ZMIZ1: variants seen among roughly 807,000 people sequenced by gnomAD.
ZMIZ1 encodes the protein zinc finger MIZ-type containing 1, also known as zinc finger MIZ domain-containing protein 1.
ZMIZ1 carries 17 observed loss-of-function variants against 113.9 expected under a neutral mutation model. The ratio of observed to expected loss-of-function variants is 0.15; its 90% CI spans 0.10 to 0.22. The LOEUF is 0.22. Ranked by LOEUF, ZMIZ1 falls within the 10% of genes least tolerant of loss-of-function variation. ZMIZ1 has a pLI of 1.00. For missense variants in ZMIZ1, 1,059 were observed against 1,477.8 expected (o/e 0.72, Z 4.65); for synonymous variants, 607 against 603.1 (o/e 1.01, Z -0.09).
At chr10:79,245,088 C>T (rs118154534) in intron 7 of ZMIZ1, among the ~76,000 whole-genome samples, 28 of 152,294 alleles carry the variant, frequency 1.8e-4, no homozygotes, top group Non-Finnish European at 4.0e-4. Context: ...AACCACCAAA[C>T]GGCGATGCTT....
chr10:79,179,908 C>T (rs1217511867), intron 4 of ZMIZ1, among the ~76,000 whole-genome samples: 1 of 152,134 alleles, frequency 6.6e-6, no homozygotes, highest in Non-Finnish European at 1.5e-5. Flanking sequence ...ACAACCGCCA[C>T]GCATGCCACC....
chr10:79,101,640 G>T (rs1843367288), intron 1 of ZMIZ1, among the ~76,000 whole-genome samples: 2 of 152,152 alleles, frequency 1.3e-5, no homozygotes, highest in Admixed American at 1.3e-4. Context: ...AGAGGGAGGG[G>T]TAGTCTCTAG....
At chr10:79,184,523 G>A (rs76229164) in intron 4 of ZMIZ1, among the ~76,000 whole-genome samples, 1,553 of 152,282 alleles carry the variant, frequency 0.01, 33 homozygotes, top group South Asian at 0.074. Context: ...TCCCAGAGGC[G>A]CCCGGATAAG....
chr10:79,118,088 C>T lies in ZMIZ1; in HGVS notation c.-336-827C>T, dbSNP rs1380186963. Among the ~76,000 whole-genome samples, 1 of 152,206 alleles carries T rather than the reference C, an allele frequency of 6.6e-6. No individual in the cohort carries two copies. The highest frequency in any genetic ancestry group is 1.5e-5 in the Non-Finnish European group (1 of 68,036). On this transcript the variant is annotated intron_variant, in intron 1 of 24. Transcript: ENST00000334512. This position sits in a 1 kb window ranked among gnomAD's most constrained non-coding sequence, Gnocchi z 4.1. ...GATTTGGACTTCACTCCAGCCTTGCCTTTCACCATGGGAGGAACCCTTTCC... is the reference window on the plus strand; with the variant it reads ...GATTTGGACTTCACTCCAGCCTTGCTTTTCACCATGGGAGGAACCCTTTCC...
At chr10:79,142,745 C>T (rs1193636524) in intron 3 of ZMIZ1, among the ~76,000 whole-genome samples, 1 of 152,240 alleles carries the variant, frequency 6.6e-6, no homozygotes, top group African/African-American at 2.4e-5. Context: ...GCATCTTGCC[C>T]TGATGTCTGT....
chr10:79,103,824 T>C (rs1479778671), intron 1 of ZMIZ1, among the ~76,000 whole-genome samples: 1 of 152,036 alleles, frequency 6.6e-6, no homozygotes, highest in African/African-American at 2.4e-5. Flanking sequence ...GACCTTCCGG[T>C]CCCCTGGCTT....
In ZMIZ1 at chr10:79,272,492, G is replaced by T. The variant is rs902321062; in HGVS notation, c.281-4689G>T. On this transcript the variant is annotated intron_variant, in intron 7 of 24. Coordinates refer to ENST00000334512, the MANE Select transcript of ZMIZ1 (RefSeq NM_020338.4). ...CCAGCTGAGGTCAGGAGAGATGAGC[G>T]CCAAGGCGTCCTCCCAGCCTGCGGA... 2.6e-5 allele frequency among the ~76,000 whole-genome samples: 4 copies of T among 152,226 alleles called. No individual in the cohort carries two copies. The East Asian group carries it at 7.7e-4, about 29-fold the overall frequency.
intron 4 of ZMIZ1, among the ~76,000 whole-genome samples, chr10:79,172,638 C>G (rs1846647199): frequency 1.3e-5 from 2 of 152,164 alleles, no homozygotes; most frequent in Admixed American, 6.5e-5. Flanking sequence ...TCCAGACTGG[C>G]CTTTGGTTGG....
At chr10:79,153,531 C>T (rs1165587610) in intron 3 of ZMIZ1, among the ~76,000 whole-genome samples, 1 of 152,256 alleles carries the variant, frequency 6.6e-6, no homozygotes, top group Non-Finnish European at 1.5e-5. Context: ...CCTTTCTTCC[C>T]TGGCCTTCCA....
intron 23 of ZMIZ1, among the ~76,000 whole-genome samples, 182 bp from the exon 24 acceptor site, chr10:79,310,742 G>T (rs917006496): frequency 1.3e-5 from 2 of 152,096 alleles, no homozygotes; most frequent in Non-Finnish European, 2.9e-5. Flanking sequence ...CCTGATGGGC[G>T]GTTTTGGGGG....
intron 1 of ZMIZ1, among the ~76,000 whole-genome samples, chr10:79,070,150 G>A (rs540513246): frequency 2.0e-5 from 3 of 151,950 alleles, no homozygotes; most frequent in Non-Finnish European, 2.9e-5. Flanking sequence ...CGGGGTCGGG[G>A]GGGGGAGGCG....
chr10:79,273,454 C>T (rs1256397863), intron 7 of ZMIZ1, among the ~76,000 whole-genome samples: 2 of 152,184 alleles, frequency 1.3e-5, no homozygotes, highest in Non-Finnish European at 2.9e-5. Flanking sequence ...CTCCACCTCC[C>T]GAGGTCAAGC....
At chr10:79,092,478 G>A (rs1450317951) in intron 1 of ZMIZ1, among the ~76,000 whole-genome samples, 1 of 152,276 alleles carries the variant, frequency 6.6e-6, no homozygotes, top group Non-Finnish European at 1.5e-5. Flanking sequence ...TGCACGCAGT[G>A]TGGCTGTTGT....
In ZMIZ1 at chr10:79,307,661, C is replaced by T. The variant is rs1056262373; in HGVS notation, c.2835+90C>T. On this transcript the variant is annotated intron_variant, in intron 23 of 24. Transcript: ENST00000334512. The stretch of plus-strand genomic sequence containing the variant: ...ATACCCTGTTCCCTCCCAGGCAAGG[C>T]AGAGGATGAAGAATTGGGTGTGTGG... 6.3e-6 allele frequency: 9 copies of T among 1,433,656 alleles called. No homozygotes were observed. In the Admixed American group the frequency reaches 1.5e-4, roughly 25 times the overall value. 88.8% of individuals were successfully genotyped at this position (1,433,656 alleles called of 1,614,324 possible).
chr10:79,074,270 G>A (rs959117759), intron 1 of ZMIZ1, among the ~76,000 whole-genome samples: 2 of 152,236 alleles, frequency 1.3e-5, no homozygotes, highest in Non-Finnish European at 2.9e-5. Flanking sequence ...AGTCCACTGA[G>A]TGAGCGCTCC....
At chr10:79,162,268 C>T (rs1846142637) in intron 4 of ZMIZ1, 135 bp downstream of exon 4, 1 of 396,708 alleles carries the variant, frequency 2.5e-6, no homozygotes, top group African/African-American at 2.1e-5. Context: ...GGGCACAAGC[C>T]ACCTTTGCTG....
intron 7 of ZMIZ1, among the ~76,000 whole-genome samples, chr10:79,240,964 C>G (rs1460037771): frequency 1.3e-5 from 2 of 152,120 alleles, no homozygotes; most frequent in Admixed American, 1.3e-4. Context: ...TATAGGATAT[C>G]TCAAAAATGA....
At chr10:79,124,059 T>C (rs574281509) in intron 2 of ZMIZ1, among the ~76,000 whole-genome samples, 38 of 152,334 alleles carry the variant, frequency 2.5e-4, no homozygotes, top group African/African-American at 9.1e-4. Flanking sequence ...CTGGGAATCG[T>C]TTGCAGCTCA....
chr10:79,258,147 T>A (rs1851037687), intron 7 of ZMIZ1, among the ~76,000 whole-genome samples: 1 of 152,152 alleles, frequency 6.6e-6, no homozygotes, highest in Non-Finnish European at 1.5e-5. Flanking sequence ...TTTGGGAGGC[T>A]GAGACAGGAG....
Sources: allele counts gnomAD v4.1 joint callset (sites outside exome capture counted in the v4.1 genomes callset), GRCh38; gene constraint gnomAD v4.1.1; non-coding constraint Gnocchi (gnomAD v3.1); transcripts MANE v1.5; gene names NCBI Gene and HGNC (gene_info 2026-07-23, HGNC 2026-07-21).